The following SCFD1 variants were observed in gnomAD, a reference collection of about 807,000 sequenced individuals.
SCFD1 encodes sec1 family domain containing 1, also known as sec1 family domain-containing protein 1.
A neutral mutation model predicts 103.2 loss-of-function variants in SCFD1; 37 were observed. The ratio of observed to expected loss-of-function variants is 0.36; its 90% CI spans 0.28 to 0.47. The LOEUF is 0.47. Ranked by LOEUF, SCFD1 falls within the 20% of genes least tolerant of loss-of-function variation. SCFD1 has a pLI of 1.00. For missense variants in SCFD1, 639 were observed against 761.2 expected (o/e 0.84, Z 1.89); for synonymous variants, 264 against 245.0 (o/e 1.08, Z -0.73).
chr14:30,704,614 C>T (rs1373298684), intron 17 of SCFD1, among the ~76,000 whole-genome samples: 1 of 152,126 alleles, frequency 6.6e-6, no homozygotes, highest in Non-Finnish European at 1.5e-5. Context: ...TTTGGGATTT[C>T]TCTAAGGGTA....
chr14:30,649,533 G>T lies in SCFD1; in HGVS notation c.619G>T (p.Val207Phe). Residue 207 changes from valine (V) to phenylalanine (F), a missense_variant, in exon 8 of 25, where the codon GTT (valine) becomes TTT (phenylalanine). Coordinates refer to ENST00000458591, the MANE Select transcript of SCFD1 (RefSeq NM_016106.4). ...LFCFFVTLGA[V>F]PIIRCSRGTA... ...AACATTTATTGTTAAAATAGGTGCT[G>T]TTCCTATAATCAGATGTTCAAGAGG... is the stretch of plus-strand genomic sequence containing the variant. 1 of 1,579,120 alleles carries T rather than the reference G, an allele frequency of 6.3e-7. No individual in the cohort carries two copies. Among genetic ancestry groups the T allele is most frequent in the Non-Finnish European group, 8.6e-7 (1 of 1,167,366 alleles).
intron 18 of SCFD1, chr14:30,707,726 T>C (rs1891570463): frequency 4.6e-6 from 2 of 436,724 alleles, no homozygotes; most frequent in Admixed American, 3.3e-5. Context: ...GATGTTTATT[T>C]TGAGGGCAGC....
rs796756294 is a variant in SCFD1 at position 30,680,697 on chromosome 14, G to A, written c.1242+5632G>A. 2.6e-5 allele frequency among the ~76,000 whole-genome samples: 4 copies of A among 152,122 alleles called. No individual in the cohort carries two copies. The South Asian group carries it at 8.3e-4, about 32-fold the overall frequency. ...TAATCCTGGCCACTCAAAGGCTGAG[G>A]TGGGAGGATCTCTTGAGCCTGGGAG... On this transcript the variant is annotated intron_variant, in intron 14 of 24. Coordinates refer to ENST00000458591, the MANE Select transcript of SCFD1 (RefSeq NM_016106.4).
At chr14:30,717,416 A>G (rs940825202) in intron 20 of SCFD1, among the ~76,000 whole-genome samples, 14 of 152,126 alleles carry the variant, frequency 9.2e-5, no homozygotes, top group Non-Finnish European at 1.8e-4. Flanking sequence ...GGTTGAGGCT[A>G]CATTGAGCCA....
intron 19 of SCFD1, among the ~76,000 whole-genome samples, chr14:30,709,481 C>T (rs1448750771): frequency 6.6e-6 from 1 of 152,130 alleles, no homozygotes; most frequent in Non-Finnish European, 1.5e-5. Flanking sequence ...GATCTTCCCA[C>T]CTCAGCCTCT....
chr14:30,664,097 TA>T (rs1212535028), intron 10 of SCFD1, among the ~76,000 whole-genome samples: 7 of 152,250 alleles, frequency 4.6e-5, no homozygotes, highest in African/African-American at 1.7e-4. Context: ...GACCCCTGTG[TA>T]GGCTAACATG....
At chr14:30,627,889 T>C (rs1883684155) in intron 1 of SCFD1, among the ~76,000 whole-genome samples, 3 of 149,294 alleles carry the variant, frequency 2.0e-5, no homozygotes, top group Admixed American at 2.0e-4. Context: ...TACCTTAATC[T>C]ATGCTTTCAG....
chr14:30,703,939 A>G (rs368528996), intron 17 of SCFD1, among the ~76,000 whole-genome samples: 8 of 62,492 alleles, frequency 1.3e-4, no homozygotes, highest in Admixed American at 1.1e-3. Flanking sequence ...ATATATATAT[A>G]TATATATATA....
chr14:30,665,510 T>C (rs760456559), intron 10 of SCFD1, among the ~76,000 whole-genome samples: 6 of 152,138 alleles, frequency 3.9e-5, no homozygotes, highest in Non-Finnish European at 7.4e-5. Flanking sequence ...CCAGCAAATA[T>C]CATAATGACA....
In SCFD1 at chr14:30,727,384, T is replaced by TA. The variant is rs1407922429; in HGVS notation, c.1836+4826dup. Among the ~76,000 whole-genome samples the TA allele has an allele frequency of 2.0e-5, 3 of 152,232 alleles. No individual in the cohort carries two copies. In the East Asian group the frequency reaches 5.8e-4, roughly 29 times the overall value. ...ATTTTGCCTCCCAAAAGTGGTTCTC[T>TA]ACAATAGATAAAACCAATGGGAGCC... is the stretch of plus-strand genomic sequence containing the variant. On this transcript the variant is annotated intron_variant, in intron 23 of 24. Transcript: ENST00000458591.
intron 16 of SCFD1, among the ~76,000 whole-genome samples, chr14:30,700,511 T>C (rs1418257826): frequency 6.6e-6 from 1 of 152,066 alleles, no homozygotes; most frequent in Non-Finnish European, 1.5e-5. Context: ...CCGTCTCTAC[T>C]AAAAATACAA....
chr14:30,695,679 G>A (rs1890645912), intron 15 of SCFD1, among the ~76,000 whole-genome samples: 1 of 152,076 alleles, frequency 6.6e-6, no homozygotes, highest in South Asian at 2.1e-4. Flanking sequence ...GACCAGCCTA[G>A]GCAATAAAGC....
chr14:30,681,897 A>G (rs552672849), intron 14 of SCFD1, among the ~76,000 whole-genome samples: 24 of 152,348 alleles, frequency 1.6e-4, no homozygotes, highest in Non-Finnish European at 7.4e-5. Flanking sequence ...AATATTAAAT[A>G]CAATTCAATG....
chr14:30,652,169 GTTAATTCTA>G (rs1676005688), intron 9 of SCFD1, among the ~76,000 whole-genome samples: 1 of 152,164 alleles, frequency 6.6e-6, no homozygotes, highest in Admixed American at 6.5e-5. Context: ...AGTGTAATGA[GTTAATTCTA>G]TTGCGAAAGG....
intron 3 of SCFD1, among the ~76,000 whole-genome samples, 196 bp from the exon 4 acceptor site, chr14:30,633,751 A>C (rs1046316919): frequency 6.6e-6 from 1 of 152,192 alleles, no homozygotes; most frequent in Non-Finnish European, 1.5e-5. Flanking sequence ...GACTAACAAG[A>C]AATTAGGGTC....
chr14:30,709,877 T>C (rs1215396116), intron 19 of SCFD1, among the ~76,000 whole-genome samples: 1 of 152,248 alleles, frequency 6.6e-6, no homozygotes, highest in African/African-American at 2.4e-5. Context: ...ATGTAGTTTA[T>C]TTTTAAGGAG....
intron 23 of SCFD1, among the ~76,000 whole-genome samples, chr14:30,730,864 A>G (rs1371396288): frequency 6.6e-6 from 1 of 151,928 alleles, no homozygotes; most frequent in East Asian, 1.9e-4. Flanking sequence ...GTTAGATCCC[A>G]TTTGTCAATT....
At chr14:30,692,792 A>G (rs1165321649) in intron 14 of SCFD1, among the ~76,000 whole-genome samples, 1 of 152,176 alleles carries the variant, frequency 6.6e-6, no homozygotes, top group East Asian at 1.9e-4. Context: ...TGCAGATAAC[A>G]GCTTTTCCCA....
intron 13 of SCFD1, among the ~76,000 whole-genome samples, chr14:30,674,690 G>A (rs145078853): frequency 9.2e-5 from 14 of 152,142 alleles, no homozygotes; most frequent in South Asian, 2.1e-4. Context: ...TACAGATAAC[G>A]CATGTTTCCA....
Sources: gnomAD v4.1 joint callset for allele counts (sites outside exome capture counted in the v4.1 genomes callset) on GRCh38, gnomAD v4.1.1 for gene constraint, MANE v1.5 for transcripts, NCBI Gene and HGNC (gene_info 2026-07-23, HGNC 2026-07-21) for gene names.